The following PRC1 variants were observed in gnomAD, a reference collection of about 807,000 sequenced individuals.
PRC1 encodes the protein protein regulator of cytokinesis 1, also known as anaphase spindle elongation 1 homolog.
A neutral mutation model predicts 91.2 loss-of-function variants in PRC1; 54 were observed. The observed-to-expected ratio is 0.59, with a 90% CI of 0.48 to 0.74. The LOEUF is 0.74. PRC1 is among the 30% of genes least tolerant of loss of function. PRC1 has a pLI of 0.00. For synonymous variants in PRC1, 275 were observed against 263.6 expected (o/e 1.04, Z -0.42); for missense variants, 727 against 746.2 (o/e 0.97, Z 0.30).
At chr15:90,993,070 C>CAAAAAAAAAA (rs67427806) in intron 1 of PRC1, among the ~76,000 whole-genome samples, 2 of 30,942 alleles carry the variant, frequency 6.5e-5, no homozygotes, top group Non-Finnish European at 1.3e-4. Flanking sequence ...GACCCCGTCT[C>CAAAAAAAAAA]AAAAAAAAAA....
intron 1 of PRC1, 74 bp downstream of exon 1, chr15:90,994,333 C>T: frequency 6.2e-7 from 1 of 1,610,216 alleles, no homozygotes. Flanking sequence ...GGGTCCCGCA[C>T]CCCTGAACAG....
At chr15:90,990,347 TAAAATAAAATAA>T (rs1356055148) in intron 1 of PRC1, among the ~76,000 whole-genome samples, 1 of 147,908 alleles carries the variant, frequency 6.8e-6, no homozygotes, top group Non-Finnish European at 1.5e-5. Context: ...AAAAATAAAA[TAAAATAAAATAA>T]AAAATAAAAT....
Position 90,979,163 on chromosome 15 carries a change from A to T in PRC1, c.1102T>A (p.Phe368Ile). The change falls in exon 8 of 15, where the codon TTT (phenylalanine) becomes ATT (isoleucine). Residue 368 changes from phenylalanine to isoleucine, a missense_variant. Phe to Ile is a conservative substitution (Grantham distance 21). Transcript: ENST00000394249. ...WEETWRLFLEFERKASDPNRF... is the reference protein window; with the variant it reads ...WEETWRLFLEIERKASDPNRF... ...CACAAAAACTAGGACAATACCTCAA[A>T]CTCTAAGAAAAGCCTCCAGGTTTCT... The T allele has an allele frequency of 6.2e-7, 1 of 1,613,174 alleles. No homozygotes were observed. Among genetic ancestry groups the T allele is most frequent in the Non-Finnish European group, 8.5e-7 (1 of 1,179,702 alleles).
rs2039073246 is a variant in PRC1, at chr15:90,980,266, G to C, written c.946C>G (p.Gln316Glu). 1 of 1,612,486 alleles carries C rather than the reference G, an allele frequency of 6.2e-7. No homozygotes were observed. Among genetic ancestry groups the C allele is most frequent in the African/African-American group, 1.3e-5 (1 of 74,912 alleles). The change falls in exon 7 of 15, where the codon CAA (glutamine) becomes GAA (glutamate). Residue 316 changes from glutamine to glutamate, a missense_variant. Gln to Glu is a conservative substitution (Grantham distance 29). Coordinates refer to ENST00000394249, the MANE Select transcript of PRC1 (RefSeq NM_003981.4). ...CCAGCACAGAAAGGGGCAAAAGCTT[G>C]TCTCTGCTCCTGGCTATAAAAGCAC... ...DQCFYSQEQR[Q>E]AFAPFCAEDY...
chr15:90,981,583 A>G lies in PRC1; in HGVS notation c.588T>C (p.Phe196=). ...EALDHTPDTS[F]ERDVVCEDED... is the part of the protein sequence containing the mutation. ...CGTCTTCACACACCACATCTCTTTC[A>G]AAGCTTGTGTCTGGGGTGTGGTCTA... is the stretch of plus-strand genomic sequence containing the variant. The change falls in exon 5 of 15, where the codon TTT becomes TTC. Residue 196 remains phenylalanine (F), a synonymous_variant. Transcript: ENST00000394249. 2.5e-6 allele frequency: 4 copies of G among 1,614,108 alleles called. No individual in the cohort carries two copies. The highest frequency in any genetic ancestry group is 1.1e-5 in the South Asian group (1 of 91,078).
chr15:90,982,044 G>A (rs1340925027), intron 3 of PRC1, 63 bp from the exon 4 acceptor site: 7 of 1,463,872 alleles, frequency 4.8e-6, no homozygotes, highest in Admixed American at 1.8e-5. Context: ...GGAAGAGAAG[G>A]ACAACATAAG....
At chr15:90,973,613 C>G (rs557775026) in intron 11 of PRC1, among the ~76,000 whole-genome samples, 4 of 152,032 alleles carry the variant, frequency 2.6e-5, no homozygotes, top group Admixed American at 6.6e-5. Flanking sequence ...CCCGATCGTA[C>G]GTACCTATGT....
intron 12 of PRC1, among the ~76,000 whole-genome samples, chr15:90,969,870 G>A (rs35309300): frequency 0.057 from 8,576 of 149,664 alleles, 309 homozygotes; most frequent in South Asian, 0.14. Flanking sequence ...ATTGCTTGAG[G>A]CGACATGTTC....
chr15:90,972,185 C>G (rs1285462215), intron 11 of PRC1, among the ~76,000 whole-genome samples: 2 of 58,628 alleles, frequency 3.4e-5, no homozygotes, highest in Non-Finnish European at 7.2e-5. Flanking sequence ...TACTGAAACT[C>G]AAAAAAAAAA....
chr15:90,968,422 G>A (rs756709587), intron 14 of PRC1: 37 of 985,502 alleles, frequency 3.8e-5, no homozygotes, highest in Non-Finnish European at 4.5e-5. Flanking sequence ...TCCCCTCAAG[G>A]GTGAGGAACA....
rs989037927 is a variant in PRC1 at position 90,984,321 on chromosome 15, C to T, written c.145-181G>A. On this transcript the variant is annotated intron_variant, in intron 2 of 14. Coordinates refer to ENST00000394249, the MANE Select transcript of PRC1 (RefSeq NM_003981.4). The surrounding 1 kb of genome is among the most constrained non-coding windows in gnomAD (Gnocchi z 5.1). ...TCGGCTCACTGCAACCTCTACCTTC[C>T]GGGTTCAATAGATTCTCCTGTCTCA... Among the ~76,000 whole-genome samples the T allele has an allele frequency of 3.3e-5, 5 of 152,108 alleles. No individual in the cohort carries two copies. Among genetic ancestry groups the T allele is most frequent in the African/African-American group, 7.2e-5 (3 of 41,410 alleles).
chr15:90,969,761 A>ACAT (rs1567179447), intron 12 of PRC1, 138 bp from the exon 13 acceptor site: 1 of 144,050 alleles, frequency 6.9e-6, no homozygotes, highest in Non-Finnish European at 1.4e-5. Context: ...TTAAAAAAAA[A>ACAT]ACATATATAT....
intron 11 of PRC1, 92 bp from the exon 12 acceptor site, chr15:90,970,606 G>C: frequency 1.3e-6 from 1 of 787,480 alleles, no homozygotes. Context: ...GACTATGGGA[G>C]GAGGCAGTCT....
chr15:90,968,221 C>G, intron 14 of PRC1: 3 of 985,410 alleles, frequency 3.0e-6, no homozygotes, highest in Non-Finnish European at 3.6e-6. Context: ...GGACCTCTGT[C>G]CAGCAATCAG....
At chr15:90,968,041 CAGAT>C in intron 14 of PRC1, 1 of 985,194 alleles carries the variant, frequency 1.0e-6, no homozygotes, top group Non-Finnish European at 1.2e-6. Flanking sequence ...TTGAGAAAGA[CAGAT>C]ATTAGCAGAG....
In PRC1 at chr15:90,974,622, A is replaced by G. The variant is rs971027590; in HGVS notation, c.1313T>C (p.Met438Thr). ...FMEYVAEQWEMHRLEKERAKQ... is the reference protein window; with the variant it reads ...FMEYVAEQWETHRLEKERAKQ... ...GGCTCTCTCTTTCTCCAATCGATGC[A>G]TCTCCCATTGTTCTGCCACATACTC... The change falls in exon 10 of 15, where the codon ATG becomes ACG. Residue 438 changes from methionine to threonine, a missense_variant. Transcript: ENST00000394249. The surrounding 1 kb of genome is among the most constrained non-coding windows in gnomAD (Gnocchi z 4.6). 3 of 1,614,074 alleles carry G rather than the reference A, an allele frequency of 1.9e-6. No individual in the cohort carries two copies. In the African/African-American group the frequency reaches 4.0e-5, roughly 22 times the overall value.
intron 1 of PRC1, among the ~76,000 whole-genome samples, chr15:90,985,239 CT>C (rs1448685905): frequency 1.4e-5 from 2 of 147,204 alleles, no homozygotes; most frequent in African/African-American, 5.0e-5. Context: ...TTTGTTTTTT[CT>C]TTTTTTTTGA....
In PRC1 at chr15:90,974,513, C is replaced by T. The variant is rs372964945; in HGVS notation, c.1350+72G>A. ...CTCCCTGTTCCACAAACCCTGGTCC[C>T]CGGCAGAGACTATGGGCTGCTCAGA... On this transcript the variant is annotated intron_variant, in intron 10 of 14. Transcript: ENST00000394249. This position sits in a 1 kb window ranked among gnomAD's most constrained non-coding sequence, Gnocchi z 4.6. 2.8e-5 allele frequency: 45 copies of T among 1,592,458 alleles called. No individual in the cohort carries two copies. The highest frequency in any genetic ancestry group is 2.5e-4 in the South Asian group (22 of 89,792).
chr15:90,994,288 G>T, intron 1 of PRC1, 119 bp downstream of exon 1: 1 of 1,484,946 alleles, frequency 6.7e-7, no homozygotes, highest in Non-Finnish European at 9.1e-7. Flanking sequence ...CCTCGGCGCC[G>T]ACTGCCGTGA....
Sources: gnomAD v4.1 joint callset for allele counts (sites outside exome capture counted in the v4.1 genomes callset) on GRCh38, gnomAD v4.1.1 for gene constraint, Gnocchi (gnomAD v3.1) non-coding constraint, MANE v1.5 for transcripts, NCBI Gene and HGNC (gene_info 2026-07-23, HGNC 2026-07-21) for gene names.